The following CLIC5 variants were observed in gnomAD, a reference collection of about 807,000 sequenced individuals.
The protein encoded by CLIC5 is chloride intracellular channel protein 5.
In CLIC5, 20 loss-of-function variants were observed where a neutral mutation model predicts 24.7. That is an observed-to-expected ratio of 0.81 (90% CI 0.57 to 1.18). The LOEUF is 1.18. Ranked by LOEUF, CLIC5 falls within the 50% of genes most tolerant of loss-of-function variation. The pLI is 0.00. For synonymous variants in CLIC5, 159 were observed against 135.6 expected (o/e 1.17, Z -1.20); for missense variants, 341 against 326.1 (o/e 1.05, Z -0.35).
chr6:46,018,539 T>G (rs542478341), upstream of CLIC5, among the ~76,000 whole-genome samples: 2 of 152,240 alleles, frequency 1.3e-5, no homozygotes, highest in Admixed American at 6.5e-5. Context: ...GTGCATATTT[T>G]CCATTTTCAA....
At chr6:45,999,797 C>T (rs1766286835) in intron 1 of CLIC5, among the ~76,000 whole-genome samples, 1 of 23,904 alleles carries the variant, frequency 4.2e-5, no homozygotes, top group Non-Finnish European at 7.3e-5. Context: ...GGACTGCGGA[C>T]TGCAGTGGCG....
intron 1 of CLIC5, among the ~76,000 whole-genome samples, chr6:46,064,193 C>T (rs953760897): frequency 1.3e-5 from 2 of 151,740 alleles, no homozygotes; most frequent in Admixed American, 6.6e-5. Context: ...ACAATTTAAA[C>T]AGCAAATAAT....
upstream of CLIC5, among the ~76,000 whole-genome samples, chr6:46,018,580 G>A (rs940764400): frequency 6.6e-6 from 1 of 152,120 alleles, no homozygotes; most frequent in African/African-American, 2.4e-5. Context: ...CAAGATAAAA[G>A]GACTTTACTT....
chr6:45,914,301 C>T lies in CLIC5; in HGVS notation c.515G>A (p.Arg172Gln), dbSNP rs145681060. Reference protein sequence around the residue: ...ANTCGEDKGSRRKFLDGDELT... With the variant: ...ANTCGEDKGSQRKFLDGDELT... ...CTCATCCCCATCCAGGAACTTGCGCCGGGACCCCTTGTCTTCCCCACAAGT... is the reference window on the plus strand; with the variant it reads ...CTCATCCCCATCCAGGAACTTGCGCTGGGACCCCTTGTCTTCCCCACAAGT... The change falls in exon 5 of 6, where the codon CGG becomes CAG. Residue 172 changes from arginine (R) to glutamine (Q), a missense_variant. Coordinates refer to ENST00000339561, the MANE Select transcript of CLIC5 (RefSeq NM_016929.5). 7.7e-4 allele frequency: 1,242 copies of T among 1,607,210 alleles called. 12 individuals carry two copies. The highest frequency in any genetic ancestry group is 5.0e-4 in the Middle Eastern group (3 of 6,024).
intron 3 of CLIC5, 85 bp downstream of exon 3, chr6:45,949,171 A>G (rs1561956745): frequency 4.0e-6 from 6 of 1,500,806 alleles, no homozygotes; most frequent in South Asian, 1.3e-5. Flanking sequence ...TTGGAAATGC[A>G]TCTGCCCGAA....
the CLIC5 span, chr6:46,129,743 G>GT: frequency 0.31 from 47,322 of 151,922 alleles, 7,807 homozygotes; most frequent in Middle Eastern, 0.44. Flanking sequence ...GGACTCGCTG[G>GT]TTTTTAGGTT....
chr6:45,916,046 G>A (rs372134266), intron 4 of CLIC5, among the ~76,000 whole-genome samples: 2 of 152,208 alleles, frequency 1.3e-5, no homozygotes, highest in Admixed American at 6.5e-5. Flanking sequence ...ATTTTCCCAA[G>A]TGTGCCTTGT....
intron 1 of CLIC5, among the ~76,000 whole-genome samples, chr6:46,062,222 C>G (rs531281189): frequency 6.6e-6 from 1 of 152,342 alleles, no homozygotes; most frequent in East Asian, 1.9e-4. Flanking sequence ...AAAGATTACT[C>G]ACCATATTCT....
intron 1 of CLIC5, among the ~76,000 whole-genome samples, chr6:46,068,386 C>A (rs903994236): frequency 6.6e-6 from 1 of 152,132 alleles, no homozygotes; most frequent in Non-Finnish European, 1.5e-5. Context: ...CCAAGGCTTC[C>A]TCCTCCCTCA....
intron 6 of CLIC5, among the ~76,000 whole-genome samples, chr6:45,892,478 C>G (rs1762362095): frequency 6.6e-6 from 1 of 152,178 alleles, no homozygotes; most frequent in African/African-American, 2.4e-5. Context: ...AGTCTCAGAC[C>G]AGTATCTCAA....
intron 1 of CLIC5, among the ~76,000 whole-genome samples, chr6:45,973,119 C>T (rs1357080081): frequency 6.6e-6 from 1 of 152,180 alleles, no homozygotes; most frequent in African/African-American, 2.4e-5. Context: ...TAGAAGCCAA[C>T]CAAACCTAGA....
At chr6:46,015,427 T>C in intron 1 of CLIC5, 53 bp downstream of exon 1, 1 of 1,464,504 alleles carries the variant, frequency 6.8e-7, no homozygotes, top group Non-Finnish European at 9.1e-7. Context: ...CCCTGGTGGG[T>C]GAGCCCGGCG....
chr6:46,083,974 A>G (rs905245808), upstream of CLIC5, among the ~76,000 whole-genome samples: 1 of 152,102 alleles, frequency 6.6e-6, no homozygotes, highest in African/African-American at 2.4e-5. Flanking sequence ...TTGGGTGCAT[A>G]TATATTTAGG....
At chr6:46,105,003 T>C in the CLIC5 span, among the ~76,000 whole-genome samples, 1 of 152,138 alleles carries the variant, frequency 6.6e-6, no homozygotes, top group Non-Finnish European at 1.5e-5. Context: ...TTGTGTGACT[T>C]TTGGCTTTTG....
intron 1 of CLIC5, among the ~76,000 whole-genome samples, chr6:46,074,441 T>C (rs941785108): frequency 2.6e-5 from 4 of 152,184 alleles, no homozygotes; most frequent in African/African-American, 9.6e-5. Context: ...GAATAATTCC[T>C]TTAGAATAAT....
At chr6:46,005,986 ATATATATATATATT>A (rs1766541086) in intron 1 of CLIC5, among the ~76,000 whole-genome samples, 1 of 123,172 alleles carries the variant, frequency 8.1e-6, no homozygotes, top group Non-Finnish European at 1.7e-5. Context: ...GTGTGTATAT[ATATATATATATATT>A]TATATATATA....
chr6:46,104,171 C>T, the CLIC5 span, among the ~76,000 whole-genome samples: 1 of 152,072 alleles, frequency 6.6e-6, no homozygotes, highest in Non-Finnish European at 1.5e-5. Context: ...CCCTTTTCTT[C>T]CAGAAATAAT....
intron 1 of CLIC5, among the ~76,000 whole-genome samples, chr6:45,998,960 G>A (rs1440796783): frequency 1.3e-5 from 2 of 152,200 alleles, no homozygotes; most frequent in Non-Finnish European, 2.9e-5. Context: ...AGACTGTATA[G>A]CCTTTAAGGT....
At chr6:45,931,426 G>A (rs1763731435) in intron 4 of CLIC5, among the ~76,000 whole-genome samples, 1 of 152,130 alleles carries the variant, frequency 6.6e-6, no homozygotes, top group African/African-American at 2.4e-5. Context: ...GCAGCTCAAG[G>A]TCAAGCAAAA....
Sources: gnomAD v4.1 joint callset for allele counts (sites outside exome capture counted in the v4.1 genomes callset) on GRCh38, gnomAD v4.1.1 for gene constraint, MANE v1.5 for transcripts, NCBI Gene and HGNC (gene_info 2026-07-23, HGNC 2026-07-21) for gene names.